The following LPCAT1 variants were observed in gnomAD, a reference collection of about 807,000 sequenced individuals.
LPCAT1 encodes 1-acylglycerol-3-phosphate O-acyltransferase.
A neutral mutation model predicts 60.9 loss-of-function variants in LPCAT1; 23 were observed. That is an observed-to-expected ratio of 0.38 (90% confidence interval 0.27 to 0.53). The LOEUF (loss-of-function observed/expected upper bound fraction) is 0.53. Ranked by LOEUF, LPCAT1 falls within the 20% of genes least tolerant of loss-of-function variation. LPCAT1 has a pLI of 0.82. For missense variants in LPCAT1, 622 were observed against 723.6 expected, an observed-to-expected ratio of 0.86 and a Z score of 1.61; for synonymous variants, 340 against 301.1, an observed-to-expected ratio of 1.13 and a Z score of -1.34.
intron 7 of LPCAT1, 59 bp from the exon 8 acceptor site, chr5:1,479,734 A>T (rs1360431212): frequency 7.5e-7 from 1 of 1,332,480 alleles, no homozygotes; most frequent in Non-Finnish European, 1.1e-6. Flanking sequence ...CAAGTAAATT[A>T]CTCCCAATTC....
At chr5:1,512,547 A>C in intron 1 of LPCAT1, among the ~76,000 whole-genome samples, 1 of 152,202 alleles carries the variant, frequency 6.6e-6, no homozygotes, top group South Asian at 2.1e-4. Context: ...TCAGACTTTC[A>C]ACCTTGTGTA....
chr5:1,478,445 C>T (rs1735009495), intron 8 of LPCAT1, among the ~76,000 whole-genome samples: 1 of 152,276 alleles, frequency 6.6e-6, no homozygotes, highest in Admixed American at 6.5e-5. Context: ...CTTTTCAACT[C>T]TTAAAATTAG....
rs932929072 is a variant in LPCAT1, at chr5:1,480,089, G to A, written c.762-414C>T. ...GAACCAGGATCACCATGCCTTTGCCGCAGGAGTTGACATGGGAGACATTTG... is the reference window on the plus strand; with the variant it reads ...GAACCAGGATCACCATGCCTTTGCCACAGGAGTTGACATGGGAGACATTTG... On this transcript the variant is annotated intron_variant, in intron 7 of 13. Transcript: ENST00000283415. This position sits in a 1 kb window ranked among gnomAD's most constrained non-coding sequence, Gnocchi z 6.4. Among the ~76,000 whole-genome samples the A allele has an allele frequency of 3.3e-5, 5 of 151,726 alleles. No homozygotes were observed. Among genetic ancestry groups the A allele is most frequent in the Non-Finnish European group, 5.9e-5 (4 of 67,948 alleles).
Position 1,523,116 on chromosome 5 carries a change from G to A in LPCAT1, c.135+594C>T, listed in dbSNP as rs553450480. ...GTGCGGCCGCAGAGCAGGGAGACCC[G>A]TGCGCCTACAGGGGACCCTACAGGG... On this transcript the variant is annotated intron_variant, in intron 1 of 13. Transcript: ENST00000283415. This position sits in a 1 kb window ranked among gnomAD's most constrained non-coding sequence, Gnocchi z 7.1. Among the ~76,000 whole-genome samples, 1 of 152,230 alleles carries A rather than the reference G, an allele frequency of 6.6e-6. No individual in the cohort carries two copies. The highest frequency in any genetic ancestry group is 1.5e-5 in the Non-Finnish European group (1 of 68,038).
rs1204808041 is a variant in LPCAT1, at chr5:1,481,533, G to A, written c.727-557C>T. ...GGGACCACACAGCAGGGGCCGTGAC[G>A]GCAGAGGCCCAGACACCGTCACCCT... On this transcript the variant is annotated intron_variant, in intron 6 of 13. Transcript: ENST00000283415. The surrounding 1 kb of genome is among the most constrained non-coding windows in gnomAD (Gnocchi z 7.8). Among the ~76,000 whole-genome samples, 6 of 152,382 alleles carry A rather than the reference G, an allele frequency of 3.9e-5. No individual in the cohort carries two copies. In the South Asian group the frequency reaches 6.2e-4, roughly 16 times the overall value.
At position 1,481,896 on chromosome 5, in the gene LPCAT1, C is replaced by T. The variant is rs779596237; in HGVS notation, c.727-920G>A. Reference sequence around the variant, plus strand: ...TCAGCTCTCCGGGCAAAGTGAAGCCCGGCAGGCATCGGACGGGACAGGCCC... The same window carrying T: ...TCAGCTCTCCGGGCAAAGTGAAGCCTGGCAGGCATCGGACGGGACAGGCCC... On this transcript the variant is annotated intron_variant, in intron 6 of 13. Coordinates refer to ENST00000283415, the MANE Select transcript of LPCAT1 (RefSeq NM_024830.5). This position sits in a 1 kb window ranked among gnomAD's most constrained non-coding sequence, Gnocchi z 7.8. Among the ~76,000 whole-genome samples the T allele has an allele frequency of 1.3e-5, 2 of 152,264 alleles. No homozygotes were observed. Among genetic ancestry groups the T allele is most frequent in the Non-Finnish European group, 2.9e-5 (2 of 68,040 alleles).
chr5:1,513,450 CAAG>C (rs1158797840), intron 1 of LPCAT1, among the ~76,000 whole-genome samples: 9 of 152,166 alleles, frequency 5.9e-5, no homozygotes, highest in African/African-American at 1.9e-4. Context: ...CAGGTGCTCG[CAAG>C]AAGAATACAG....
chr5:1,519,003 T>C (rs1348639432), intron 1 of LPCAT1, among the ~76,000 whole-genome samples: 1 of 152,184 alleles, frequency 6.6e-6, no homozygotes, highest in Non-Finnish European at 1.5e-5. Context: ...AGAAAGCAGC[T>C]CCCATGGCTC....
intron 1 of LPCAT1, among the ~76,000 whole-genome samples, chr5:1,518,426 C>T (rs7700354): frequency 0.22 from 33,384 of 152,172 alleles, 4,431 homozygotes; most frequent in Non-Finnish European, 0.28. Context: ...CTGCAAGCTC[C>T]GCCTCCTGGG....
Position 1,496,123 on chromosome 5 carries a change from G to A in LPCAT1, c.279-1209C>T, listed in dbSNP as rs1269438470. Among the ~76,000 whole-genome samples, 2 of 152,182 alleles carry A rather than the reference G, an allele frequency of 1.3e-5. No individual in the cohort carries two copies. The highest frequency in any genetic ancestry group is 2.9e-5 in the Non-Finnish European group (2 of 68,032). On this transcript the variant is annotated intron_variant, in intron 2 of 13. Transcript: ENST00000283415. This position sits in a 1 kb window ranked among gnomAD's most constrained non-coding sequence, Gnocchi z 4.7. ...CGCCTGTAATCACAGCACTTTGGGA[G>A]GCCAAGGCAGGTGGATCACTTGAGG...
At chr5:1,489,670 T>C (rs998456309) in intron 4 of LPCAT1, 76 bp downstream of exon 4, 13 of 1,101,560 alleles carry the variant, frequency 1.2e-5, no homozygotes, top group Middle Eastern at 4.1e-4. Context: ...GGGCCCCAGT[T>C]TCTTTCTCCC....
At chr5:1,520,717 G>T (rs1473441428) in intron 1 of LPCAT1, among the ~76,000 whole-genome samples, 1 of 151,878 alleles carries the variant, frequency 6.6e-6, no homozygotes, top group Non-Finnish European at 1.5e-5. Flanking sequence ...AAAAAAATTA[G>T]CCGGGCATTG....
chr5:1,482,349 G>A (rs1348007653), intron 6 of LPCAT1, among the ~76,000 whole-genome samples: 1 of 144,704 alleles, frequency 6.9e-6, no homozygotes, highest in Non-Finnish European at 1.5e-5. Context: ...AGCACCTGGA[G>A]GAAGGTGCAG....
intron 2 of LPCAT1, among the ~76,000 whole-genome samples, chr5:1,500,363 A>G (rs1348636003): frequency 2.0e-5 from 3 of 152,272 alleles, no homozygotes; most frequent in African/African-American, 7.2e-5. Flanking sequence ...TTAGGAATTT[A>G]AATGAAACAA....
chr5:1,522,280 T>G lies in LPCAT1; in HGVS notation c.135+1430A>C, dbSNP rs1736699746. ...CTGGTGGCTGGGTGGGGGTGAGGAT[T>G]GAAGAGGAGGAATGGTTGAGGGGCA... is the stretch of plus-strand genomic sequence containing the variant. On this transcript the variant is annotated intron_variant, in intron 1 of 13. Transcript: ENST00000283415. This position sits in a 1 kb window ranked among gnomAD's most constrained non-coding sequence, Gnocchi z 6.8. Among the ~76,000 whole-genome samples the G allele has an allele frequency of 6.6e-6, 1 of 151,932 alleles. No individual in the cohort carries two copies. The highest frequency in any genetic ancestry group is 1.5e-5 in the Non-Finnish European group (1 of 67,962).
rs560489377 is a variant in LPCAT1, at chr5:1,475,220, T to C, written c.900-535A>G. ...TGAGAAATCGGTGCCTCTCTAGTCC[T>C]AGTTGAGAGCCGCTGAAGTTCCCCT... On this transcript the variant is annotated intron_variant, in intron 9 of 13. Transcript: ENST00000283415. Among the ~76,000 whole-genome samples the C allele has an allele frequency of 7.9e-5, 12 of 152,380 alleles. No homozygotes were observed. In the South Asian group the frequency reaches 2.3e-3, roughly 29 times the overall value.
chr5:1,519,280 C>T (rs933383010), intron 1 of LPCAT1, among the ~76,000 whole-genome samples: 3 of 152,204 alleles, frequency 2.0e-5, no homozygotes, highest in Admixed American at 1.3e-4. Flanking sequence ...TGTGTACACT[C>T]GCATGTATAT....
In LPCAT1 at chr5:1,474,645, AG is replaced by A; in HGVS notation, c.939del (p.Cys314AlafsTer19). On this transcript the variant is annotated frameshift_variant, in exon 10 of 14. Coordinates refer to ENST00000283415, the MANE Select transcript of LPCAT1 (RefSeq NM_024830.5). LOFTEE classifies it high-confidence loss of function. ...GVSVTDYTFE[D>X]CQLALAEGQL... ...TGTCCTTCCGCCAGGGCCAGCTGGC[AG>A]TCCTCGAACGTGTAGTCAGTCACGG... The A allele has an allele frequency of 6.2e-7, 1 of 1,613,982 alleles. No homozygotes were observed. Among genetic ancestry groups the A allele is most frequent in the Non-Finnish European group, 8.5e-7 (1 of 1,179,982 alleles).
Position 1,522,036 on chromosome 5 carries a change from C to T in LPCAT1, c.135+1674G>A, listed in dbSNP as rs370679918. On this transcript the variant is annotated intron_variant, in intron 1 of 13. Coordinates refer to ENST00000283415, the MANE Select transcript of LPCAT1 (RefSeq NM_024830.5). This position sits in a 1 kb window ranked among gnomAD's most constrained non-coding sequence, Gnocchi z 6.8. ...ACCTCCAGGGAGGGGCTTGATGTTT[C>T]CCCCCAGGGAGCCAGGAGGGAGTAG... 6.6e-6 allele frequency among the ~76,000 whole-genome samples: 1 copy of T among 152,160 alleles called. No individual in the cohort carries two copies. The highest frequency in any genetic ancestry group is 1.5e-5 in the Non-Finnish European group (1 of 68,020).
Sources: allele counts gnomAD v4.1 joint callset (sites outside exome capture counted in the v4.1 genomes callset), GRCh38; gene constraint gnomAD v4.1.1; non-coding constraint Gnocchi (gnomAD v3.1); transcripts MANE v1.5; gene names NCBI Gene and HGNC (gene_info 2026-07-23, HGNC 2026-07-21).